Variants in CSMD1 observed in about 807,000 individuals in gnomAD.
The protein encoded by CSMD1 is CUB and sushi domain-containing protein 1.
In CSMD1, 213 loss-of-function variants were observed where a neutral mutation model predicts 417.5. The ratio of observed to expected loss-of-function variants is 0.51; its 90% CI spans 0.46 to 0.57. The LOEUF is 0.57. Ranked by LOEUF, CSMD1 falls within the 20% of genes least tolerant of loss-of-function variation. CSMD1 has a pLI of 0.00. For missense variants in CSMD1, 6,923 were observed against 4,529.7 expected, an observed-to-expected ratio of 1.53 and a Z score of -15.17; for synonymous variants, 2,862 against 1,736.8, an observed-to-expected ratio of 1.65 and a Z score of -16.11.
intron 12 of CSMD1, among the ~76,000 whole-genome samples, chr8:3,458,187 G>A (rs1420203978): frequency 6.6e-6 from 1 of 152,180 alleles, no homozygotes; most frequent in African/African-American, 2.4e-5. Context: ...TGTTGGGAAG[G>A]GAGAGTGCAA....
rs56045716 is a variant in CSMD1, at chr8:3,293,150, T to G, written c.3951-8804A>C. On this transcript the variant is annotated intron_variant, in intron 25 of 69. Coordinates refer to ENST00000635120, the MANE Select transcript of CSMD1 (RefSeq NM_033225.6). The stretch of plus-strand genomic sequence containing the variant: ...TCTTTCTTTTAAGAATGTTGAATAT[T>G]GCCCCCACTCTCTTCTGGCTTGTAG... 2.2e-3 allele frequency among the ~76,000 whole-genome samples: 337 copies of G among 152,012 alleles called. 3 individuals are homozygous for G. The highest frequency in any genetic ancestry group is 7.8e-3 in the African/African-American group (322 of 41,448).
chr8:3,556,008 G>T (rs79724778), intron 10 of CSMD1, among the ~76,000 whole-genome samples: 1 of 151,974 alleles, frequency 6.6e-6, no homozygotes, highest in Non-Finnish European at 1.5e-5. Context: ...TCCCATTCAA[G>T]GACAGAACAA....
chr8:3,709,349 A>G (rs769244506), intron 6 of CSMD1, among the ~76,000 whole-genome samples: 40 of 152,288 alleles, frequency 2.6e-4, no homozygotes, highest in Non-Finnish European at 4.7e-4. Context: ...ATCTTTGCTT[A>G]CAACAGGGTG....
At chr8:4,764,576 C>G (rs1422723409) in intron 1 of CSMD1, among the ~76,000 whole-genome samples, 4 of 151,780 alleles carry the variant, frequency 2.6e-5, no homozygotes, top group Non-Finnish European at 5.9e-5. Context: ...CTAAAAATAT[C>G]AATTTAAACT....
intron 26 of CSMD1, among the ~76,000 whole-genome samples, chr8:3,237,368 G>A (rs1799214099): frequency 6.6e-6 from 1 of 151,678 alleles, no homozygotes; most frequent in Non-Finnish European, 1.5e-5. Context: ...TCGGGAGGCT[G>A]AGGCAGGAGA....
chr8:3,768,392 A>T (rs1364560471), intron 5 of CSMD1, among the ~76,000 whole-genome samples: 3 of 152,188 alleles, frequency 2.0e-5, no homozygotes, highest in African/African-American at 7.2e-5. Flanking sequence ...AAGGAGTAAC[A>T]TTCCTTTAGA....
chr8:4,431,693 T>C (rs970924849), intron 2 of CSMD1, among the ~76,000 whole-genome samples: 7 of 152,174 alleles, frequency 4.6e-5, no homozygotes, highest in South Asian at 2.1e-4. Flanking sequence ...AAAAGAATCC[T>C]AAATCCTGAC....
At chr8:3,797,487 C>T (rs1800223479) in intron 5 of CSMD1, among the ~76,000 whole-genome samples, 1 of 151,912 alleles carries the variant, frequency 6.6e-6, no homozygotes, top group African/African-American at 2.4e-5. Context: ...AAATTCATTA[C>T]ATCTGATCTT....
chr8:3,355,602 G>A (rs1190093905), intron 21 of CSMD1, among the ~76,000 whole-genome samples: 1 of 152,074 alleles, frequency 6.6e-6, no homozygotes, highest in Non-Finnish European at 1.5e-5. Flanking sequence ...AGAACTGCAC[G>A]ATGTGGGGCT....
At position 3,716,720 on chromosome 8, in the gene CSMD1, T is replaced by C. The variant is rs542392562; in HGVS notation, c.932-8229A>G. The stretch of plus-strand genomic sequence containing the variant: ...CCCAGCAGGCCTCAGCCTTACTTTC[T>C]CCAGCCCCTATTCAAGATGGAGTTG... On this transcript the variant is annotated intron_variant, in intron 6 of 69. Coordinates refer to ENST00000635120, the MANE Select transcript of CSMD1 (RefSeq NM_033225.6). 2.0e-4 allele frequency among the ~76,000 whole-genome samples: 30 copies of C among 152,284 alleles called. No homozygotes were observed. In the East Asian group the frequency reaches 5.8e-3, roughly 30 times the overall value.
At chr8:4,075,133 T>C (rs1003477731) in intron 3 of CSMD1, among the ~76,000 whole-genome samples, 3 of 152,172 alleles carry the variant, frequency 2.0e-5, no homozygotes, top group African/African-American at 7.2e-5. Context: ...ATCAAAATGA[T>C]ACGAAAAACT....
intron 1 of CSMD1, among the ~76,000 whole-genome samples, chr8:4,689,969 C>T (rs1806660949): frequency 6.6e-6 from 1 of 152,014 alleles, no homozygotes; most frequent in African/African-American, 2.4e-5. Context: ...TGTATTACTG[C>T]CGTAAGCGTA....
At chr8:4,204,826 T>C (rs1202829129) in intron 3 of CSMD1, among the ~76,000 whole-genome samples, 1 of 136,928 alleles carries the variant, frequency 7.3e-6, no homozygotes, top group Non-Finnish European at 1.6e-5. Context: ...AGCTAACTTT[T>C]ATTTAATTTT....
At chr8:3,646,048 A>C (rs377119871) in intron 7 of CSMD1, among the ~76,000 whole-genome samples, 8 of 146,382 alleles carry the variant, frequency 5.5e-5, no homozygotes, top group Middle Eastern at 3.4e-3. Context: ...TAAATTCCCA[A>C]CCAAAAAAAA....
At chr8:4,959,161 A>T (rs1165527058) in intron 1 of CSMD1, among the ~76,000 whole-genome samples, 6 of 152,322 alleles carry the variant, frequency 3.9e-5, no homozygotes. Flanking sequence ...TGCACATATC[A>T]CTGGTTTCTA....
At chr8:3,466,942 G>A (rs921430471) in intron 12 of CSMD1, among the ~76,000 whole-genome samples, 1 of 151,932 alleles carries the variant, frequency 6.6e-6, no homozygotes, top group East Asian at 1.9e-4. Flanking sequence ...TTGGTTAATG[G>A]TTTTAATTAC....
At position 3,242,697 on chromosome 8, in the gene CSMD1, A is replaced by C. The variant is rs113106870; in HGVS notation, c.4154-12466T>G. On this transcript the variant is annotated intron_variant, in intron 26 of 69. Coordinates refer to ENST00000635120, the MANE Select transcript of CSMD1 (RefSeq NM_033225.6). The stretch of plus-strand genomic sequence containing the variant: ...GAGAAGAGAGGGGAATGGAGGGCGG[A>C]AGGTTGCCCATAGTGAAGGAAGCAA... Among the ~76,000 whole-genome samples the C allele has an allele frequency of 4.0e-3, 607 of 152,078 alleles. 8 individuals carry two copies. Among genetic ancestry groups the C allele is most frequent in the African/African-American group, 0.014 (569 of 41,484 alleles).
At chr8:4,434,205 A>G (rs1055316212) in intron 2 of CSMD1, among the ~76,000 whole-genome samples, 1 of 152,074 alleles carries the variant, frequency 6.6e-6, no homozygotes, top group East Asian at 1.9e-4. Context: ...AGGCATGGTA[A>G]TGAGCACCTG....
intron 12 of CSMD1, among the ~76,000 whole-genome samples, chr8:3,436,120 C>T (rs1440057946): frequency 1.3e-5 from 2 of 152,170 alleles, no homozygotes; most frequent in Non-Finnish European, 2.9e-5. Context: ...CTCCAGCCCT[C>T]TGACCATTCC....
Sources: gnomAD v4.1 joint callset for allele counts (sites outside exome capture counted in the v4.1 genomes callset) on GRCh38, gnomAD v4.1.1 for gene constraint, MANE v1.5 for transcripts, NCBI Gene and HGNC (gene_info 2026-07-23, HGNC 2026-07-21) for gene names.